TBC1D32: variants seen among roughly 807,000 people sequenced by gnomAD.
TBC1D32 encodes protein broad-minded.
A neutral mutation model predicts 170.3 loss-of-function variants in TBC1D32; 151 were observed. That is an observed-to-expected ratio of 0.89 (90% confidence interval 0.78 to 1.01). TBC1D32 has a LOEUF of 1.01. Ranked by LOEUF, TBC1D32 falls within the 50% of genes least tolerant of loss-of-function variation. TBC1D32 has a pLI of 0.00. For missense variants in TBC1D32, 1,464 were observed against 1,457.1 expected (o/e 1.00, Z -0.08); for synonymous variants, 498 against 488.0 (o/e 1.02, Z -0.27).
rs1163747851 is a variant in TBC1D32 at position 121,131,577 on chromosome 6, A to C, written c.2899+50T>G. ...ATCTTTAAGAACCACAGATTCTATT[A>C]ATATAATTTTCATACATAAGAAAAC... On this transcript the variant is annotated intron_variant, in intron 25 of 31. Coordinates refer to ENST00000398212, the MANE Select transcript of TBC1D32 (RefSeq NM_152730.6). 2.6e-6 allele frequency: 4 copies of C among 1,552,942 alleles called. No homozygotes were observed. In the Admixed American group the frequency reaches 5.3e-5, roughly 21 times the overall value.
intron 24 of TBC1D32, among the ~76,000 whole-genome samples, chr6:121,151,057 G>C (rs898806648): frequency 6.6e-6 from 1 of 152,068 alleles, no homozygotes; most frequent in African/African-American, 2.4e-5. Flanking sequence ...TTTTGAATCT[G>C]TTTGCTCTTG....
At chr6:121,145,926 G>A (rs900102690) in intron 24 of TBC1D32, among the ~76,000 whole-genome samples, 1 of 152,164 alleles carries the variant, frequency 6.6e-6, no homozygotes, top group African/African-American at 2.4e-5. Flanking sequence ...ATGATTTGCA[G>A]AGGTTAAAGA....
chr6:121,215,073 T>C (rs1280397364), intron 21 of TBC1D32, among the ~76,000 whole-genome samples: 2 of 152,196 alleles, frequency 1.3e-5, no homozygotes, highest in Non-Finnish European at 2.9e-5. Context: ...TGCACAGGCA[T>C]AGCTCCTCTC....
intron 17 of TBC1D32, among the ~76,000 whole-genome samples, chr6:121,254,713 C>T (rs1348222790): frequency 6.6e-6 from 1 of 151,984 alleles, no homozygotes; most frequent in East Asian, 1.9e-4. Flanking sequence ...CAAGTTCTCC[C>T]TAATTATTAT....
rs1160372863 is a variant in TBC1D32, at chr6:121,092,293, G to GTTTT, written c.3466-1256_3466-1253dup. 7.5e-3 allele frequency among the ~76,000 whole-genome samples: 380 copies of GTTTT among 50,420 alleles called. 27 individuals are homozygous for GTTTT. Among genetic ancestry groups the GTTTT allele is most frequent in the Non-Finnish European group, 0.013 (305 of 23,264 alleles). The allele number at this position is 50,420 out of a possible 152,430, so 33.1% of individuals were successfully genotyped here. On this transcript the variant is annotated intron_variant, in intron 30 of 31. Transcript: ENST00000398212. The stretch of plus-strand genomic sequence containing the variant: ...AATATCTCTTCTCCTTCAGTTTTAT[G>GTTTT]TTTTTTTTTTTTTTTTTTTTTTTTT...
intron 22 of TBC1D32, among the ~76,000 whole-genome samples, chr6:121,162,762 G>A (rs1785907256): frequency 6.8e-6 from 1 of 147,798 alleles, no homozygotes; most frequent in African/African-American, 2.5e-5. Context: ...ACAGCTCCCA[G>A]CGTGAGCGAC....
chr6:121,183,337 C>A (rs1323697990), intron 22 of TBC1D32, among the ~76,000 whole-genome samples: 1 of 152,066 alleles, frequency 6.6e-6, no homozygotes, highest in Non-Finnish European at 1.5e-5. Flanking sequence ...GTCTAGTACC[C>A]TTGAGGATAC....
At chr6:121,232,593 C>A (rs948360890) in intron 20 of TBC1D32, among the ~76,000 whole-genome samples, 12 of 152,090 alleles carry the variant, frequency 7.9e-5, no homozygotes, top group African/African-American at 2.9e-4. Context: ...TGTCTGATTT[C>A]TTTCAGCAGT....
intron 1 of TBC1D32, among the ~76,000 whole-genome samples, chr6:121,324,436 A>G (rs1810190390): frequency 6.6e-6 from 1 of 152,152 alleles, no homozygotes; most frequent in Non-Finnish European, 1.5e-5. Context: ...TAAGGGAATA[A>G]GTATTTAGAA....
intron 12 of TBC1D32, among the ~76,000 whole-genome samples, chr6:121,285,600 G>A (rs894855978): frequency 1.3e-5 from 2 of 152,084 alleles, no homozygotes; most frequent in Non-Finnish European, 2.9e-5. Context: ...CGCAGAAGAC[G>A]GGTGATTTCT....
intron 22 of TBC1D32, among the ~76,000 whole-genome samples, chr6:121,189,896 C>T (rs1789717401): frequency 6.6e-6 from 1 of 151,970 alleles, no homozygotes; most frequent in Non-Finnish European, 1.5e-5. Flanking sequence ...GCACTTGATC[C>T]TCATGTCCAA....
At chr6:121,256,936 T>G (rs1333576907) in intron 15 of TBC1D32, among the ~76,000 whole-genome samples, 7 of 152,084 alleles carry the variant, frequency 4.6e-5, no homozygotes, top group African/African-American at 1.7e-4. Context: ...CCTCCCAAAG[T>G]GCTGGGATTA....
At chr6:121,219,181 C>A (rs1426979849) in intron 21 of TBC1D32, among the ~76,000 whole-genome samples, 1 of 152,084 alleles carries the variant, frequency 6.6e-6, no homozygotes, top group African/African-American at 2.4e-5. Flanking sequence ...AAAGCACAGA[C>A]AAATTTTCCA....
At chr6:121,294,160 G>A (rs186899259) in intron 11 of TBC1D32, among the ~76,000 whole-genome samples, 163 of 152,164 alleles carry the variant, frequency 1.1e-3, no homozygotes, top group African/African-American at 3.3e-3. Context: ...GAAGGATCAC[G>A]GGGTGACACA....
intron 25 of TBC1D32, chr6:121,129,962 C>T (rs1446558808): frequency 2.4e-6 from 1 of 416,958 alleles, no homozygotes; most frequent in East Asian, 7.2e-5. Flanking sequence ...GATTAAATTA[C>T]AAGAGCAAAA....
At chr6:121,141,829 C>A (rs910912080) in intron 24 of TBC1D32, among the ~76,000 whole-genome samples, 2 of 151,918 alleles carry the variant, frequency 1.3e-5, no homozygotes, top group African/African-American at 4.8e-5. Flanking sequence ...AAGACACAAA[C>A]CTTTTTAAAA....
At chr6:121,172,653 C>T (rs760110399) in intron 22 of TBC1D32, among the ~76,000 whole-genome samples, 41 of 152,136 alleles carry the variant, frequency 2.7e-4, no homozygotes, top group Non-Finnish European at 4.6e-4. Context: ...ACCATGTGAC[C>T]AGCTGCAGAA....
Position 121,242,225 on chromosome 6 carries a change from G to A in TBC1D32, c.2133C>T (p.Phe711=), listed in dbSNP as rs762480518. 13 of 1,611,628 alleles carry A rather than the reference G, an allele frequency of 8.1e-6. No homozygotes were observed. The African/African-American group carries it at 1.5e-4, about 18-fold the overall frequency. Residue 711 remains phenylalanine, a synonymous_variant, in exon 18 of 32, where the codon TTC becomes TTT. Transcript: ENST00000398212. ...GAINECVTFI[F]NRYAKKLQVS... The stretch of plus-strand genomic sequence containing the variant: ...CCTGTAATTTTTTTGCATATCGATT[G>A]AATATAAATGTCACACATTCATTGA...
chr6:121,233,132 T>C (rs1019173262), intron 20 of TBC1D32, among the ~76,000 whole-genome samples: 1 of 152,140 alleles, frequency 6.6e-6, no homozygotes, highest in Non-Finnish European at 1.5e-5. Context: ...GCCTCTCATA[T>C]GGTCTATCTT....
Sources: gnomAD v4.1 joint callset for allele counts (sites outside exome capture counted in the v4.1 genomes callset) on GRCh38, gnomAD v4.1.1 for gene constraint, MANE v1.5 for transcripts, NCBI Gene and HGNC (gene_info 2026-07-23, HGNC 2026-07-21) for gene names.